CDH12: variants seen among roughly 807,000 people sequenced by gnomAD.
CDH12 encodes cadherin 12.
A neutral mutation model predicts 74.1 loss-of-function variants in CDH12; 41 were observed. The observed-to-expected ratio is 0.55, with a 90% CI of 0.43 to 0.72. The LOEUF (loss-of-function observed/expected upper bound fraction) is 0.72. Among genes scored for constraint, CDH12 ranks in the 30% least tolerant of loss-of-function variants. The pLI is 0.00. For missense variants in CDH12, 945 were observed against 977.2 expected (o/e 0.97, Z 0.44); for synonymous variants, 399 against 355.0 (o/e 1.12, Z -1.39).
intron 4 of CDH12, among the ~76,000 whole-genome samples, chr5:22,153,554 C>G (rs1339111152): frequency 6.6e-6 from 1 of 151,164 alleles, no homozygotes; most frequent in East Asian, 1.9e-4. Flanking sequence ...AACTTAGTAA[C>G]CATTTTCACC....
At chr5:22,657,908 T>C (rs1740136268) in intron 1 of CDH12, among the ~76,000 whole-genome samples, 1 of 152,168 alleles carries the variant, frequency 6.6e-6, no homozygotes, top group African/African-American at 2.4e-5. Context: ...AGAGAGGACA[T>C]TGATTAAACA....
chr5:21,923,021 C>G (rs1754429528), intron 6 of CDH12, among the ~76,000 whole-genome samples: 2 of 151,962 alleles, frequency 1.3e-5, no homozygotes, highest in African/African-American at 2.4e-5. Context: ...CCCACGTACA[C>G]ACTCTCCAAT....
At chr5:22,216,145 G>T (rs1166469439) in intron 3 of CDH12, among the ~76,000 whole-genome samples, 1 of 151,978 alleles carries the variant, frequency 6.6e-6, no homozygotes, top group Non-Finnish European at 1.5e-5. Context: ...GAGTCATCTT[G>T]TTGTCAAAAA....
At chr5:22,582,532 T>C (rs1332678439) in intron 1 of CDH12, among the ~76,000 whole-genome samples, 1 of 152,182 alleles carries the variant, frequency 6.6e-6, no homozygotes, top group Non-Finnish European at 1.5e-5. Context: ...TACCAAATAA[T>C]CCTAAATTGT....
chr5:22,732,237 T>C (rs528559835), intron 1 of CDH12, among the ~76,000 whole-genome samples: 16 of 151,890 alleles, frequency 1.1e-4, no homozygotes, highest in Non-Finnish European at 2.4e-4. Context: ...CACACGGTCT[T>C]CCCTCTGTAT....
chr5:22,154,791 T>C (rs1434759801), intron 4 of CDH12, among the ~76,000 whole-genome samples: 2 of 152,096 alleles, frequency 1.3e-5, no homozygotes, highest in Non-Finnish European at 2.9e-5. Context: ...TTTAGCCACT[T>C]AACACAGATT....
chr5:22,712,619 T>C (rs1321070446), intron 1 of CDH12, among the ~76,000 whole-genome samples: 1 of 152,196 alleles, frequency 6.6e-6, no homozygotes, highest in African/African-American at 2.4e-5. Context: ...TTCTCTGTTG[T>C]AGACATTGTT....
At chr5:22,644,376 T>A (rs929716944) in intron 1 of CDH12, among the ~76,000 whole-genome samples, 1 of 151,766 alleles carries the variant, frequency 6.6e-6, no homozygotes, top group Non-Finnish European at 1.5e-5. Context: ...ACGGAAAAAA[T>A]TTCAGTGAGT....
At chr5:21,879,003 T>A (rs1008927388) in intron 6 of CDH12, among the ~76,000 whole-genome samples, 3 of 152,120 alleles carry the variant, frequency 2.0e-5, no homozygotes, top group African/African-American at 7.2e-5. Context: ...GTTGATATTC[T>A]ATCCAAAAAG....
chr5:22,425,153 G>GTT (rs1554039869), intron 2 of CDH12, among the ~76,000 whole-genome samples: 3 of 87,990 alleles, frequency 3.4e-5, no homozygotes, highest in Non-Finnish European at 5.0e-5. Context: ...ATGTGTGTGT[G>GTT]TATATATATA....
intron 1 of CDH12, among the ~76,000 whole-genome samples, chr5:22,732,761 T>C (rs1744495625): frequency 6.6e-6 from 1 of 151,706 alleles, no homozygotes; most frequent in African/African-American, 2.4e-5. Flanking sequence ...AGTAGAGAAG[T>C]ATGGGGCAGA....
chr5:22,311,702 C>CAAAA, intron 3 of CDH12, among the ~76,000 whole-genome samples: 1 of 94,706 alleles, frequency 1.1e-5, no homozygotes. Flanking sequence ...GACTCCATCT[C>CAAAA]AAAAAAAAAA....
chr5:22,384,291 G>A (rs1580590807), intron 3 of CDH12, among the ~76,000 whole-genome samples: 1 of 151,592 alleles, frequency 6.6e-6, no homozygotes, highest in African/African-American at 2.4e-5. Flanking sequence ...TTGGGAGGCC[G>A]AGGCGGGCGG....
At chr5:21,894,664 T>C (rs1475760669) in intron 6 of CDH12, among the ~76,000 whole-genome samples, 8 of 152,200 alleles carry the variant, frequency 5.3e-5, no homozygotes, top group Non-Finnish European at 7.3e-5. Context: ...ATTCAGATCA[T>C]TTAAAGAACA....
intron 1 of CDH12, among the ~76,000 whole-genome samples, chr5:22,778,600 A>G (rs76306746): frequency 0.025 from 3,739 of 152,300 alleles, 164 homozygotes; most frequent in African/African-American, 0.085. Flanking sequence ...AGCAAAACAT[A>G]TTCCTAAGTG....
intron 1 of CDH12, among the ~76,000 whole-genome samples, chr5:22,621,060 G>T (rs1011912109): frequency 9.9e-5 from 15 of 152,132 alleles, no homozygotes; most frequent in African/African-American, 3.6e-4. Context: ...ACTTCTAGAG[G>T]TTCTAAGAGA....
chr5:21,915,896 A>G (rs1188710952), intron 6 of CDH12, among the ~76,000 whole-genome samples: 1 of 150,970 alleles, frequency 6.6e-6, no homozygotes, highest in Admixed American at 6.6e-5. Context: ...TATAAGGGTT[A>G]GGAAAGGAAA....
intron 10 of CDH12, among the ~76,000 whole-genome samples, chr5:21,793,286 A>G (rs1438135549): frequency 1.3e-5 from 2 of 151,788 alleles, no homozygotes; most frequent in Admixed American, 1.3e-4. Flanking sequence ...TGAGAATAGC[A>G]AACAAACTAT....
chr5:22,357,739 T>A (rs1240224131), intron 3 of CDH12, among the ~76,000 whole-genome samples: 1 of 152,144 alleles, frequency 6.6e-6, no homozygotes, highest in African/African-American at 2.4e-5. Context: ...CCCAAAAAAA[T>A]GATCAATTTT....
Sources: gnomAD v4.1 joint callset for allele counts (sites outside exome capture counted in the v4.1 genomes callset) on GRCh38, gnomAD v4.1.1 for gene constraint, MANE v1.5 for transcripts, NCBI Gene and HGNC (gene_info 2026-07-23, HGNC 2026-07-21) for gene names.